SLC14A1: variants seen among roughly 807,000 people sequenced by gnomAD.
SLC14A1 encodes the protein urea transporter 1.
A neutral mutation model predicts 39.6 loss-of-function variants in SLC14A1; 36 were observed. The ratio of observed to expected loss-of-function variants is 0.91; its 90% confidence interval spans 0.70 to 1.20. SLC14A1 has a LOEUF of 1.20. SLC14A1 is among the 50% of genes most tolerant of loss of function. SLC14A1 has a pLI of 0.00. For missense variants in SLC14A1, 469 were observed against 478.7 expected, an observed-to-expected ratio of 0.98 and a Z score of 0.19; for synonymous variants, 164 against 173.6, an observed-to-expected ratio of 0.94 and a Z score of 0.43.
At chr18:45,737,021 A>G (rs891060973) in intron 6 of SLC14A1, among the ~76,000 whole-genome samples, 1 of 152,216 alleles carries the variant, frequency 6.6e-6, no homozygotes, top group African/African-American at 2.4e-5. Flanking sequence ...CCTCCAATCA[A>G]AAAACTGGAT....
intron 6 of SLC14A1, among the ~76,000 whole-genome samples, chr18:45,738,953 G>A (rs1458411688): frequency 6.6e-6 from 1 of 152,188 alleles, no homozygotes; most frequent in East Asian, 1.9e-4. Flanking sequence ...ATGCACCAGG[G>A]AAGGGCTGGT....
chr18:45,727,522 G>C lies in SLC14A1; in HGVS notation c.-22+2509G>C, dbSNP rs1476178344. The C allele has an allele frequency of 5.2e-6, 7 of 1,338,810 alleles. No homozygotes were observed. The East Asian group carries it at 1.8e-4, about 34-fold the overall frequency. The allele number at this position is 1,338,810 out of a possible 1,614,324, so 82.9% of individuals were successfully genotyped here. On this transcript the variant is annotated intron_variant, in intron 2 of 9. Coordinates refer to ENST00000321925, the MANE Select transcript of SLC14A1 (RefSeq NM_015865.7). ...AGCCTGGGAAGTGGGGGTTGGCTGTGAGCTAAGCCAAAGGCACAGGGATCT... is the reference window on the plus strand; with the variant it reads ...AGCCTGGGAAGTGGGGGTTGGCTGTCAGCTAAGCCAAAGGCACAGGGATCT...
chr18:45,731,064 C>T lies in SLC14A1; in HGVS notation c.201C>T (p.Ser67=). 6.2e-7 allele frequency: 1 copy of T among 1,614,142 alleles called. No individual in the cohort carries two copies. The highest frequency in any genetic ancestry group is 8.5e-7 in the Non-Finnish European group (1 of 1,180,028). ...QFIDWILRGI[S]QVVFVNNPVS... ...TTGACTGGATTCTCCGGGGCATATC[C>T]CAAGTGGTGTTCGTCAACAACCCCG... Residue 67 remains serine (S), a synonymous_variant, in exon 4 of 10, where the codon TCC becomes TCT. Coordinates refer to ENST00000321925, the MANE Select transcript of SLC14A1 (RefSeq NM_015865.7).
intron 8 of SLC14A1, among the ~76,000 whole-genome samples, chr18:45,740,030 G>A (rs548774766): frequency 4.5e-4 from 68 of 152,236 alleles, no homozygotes; most frequent in African/African-American, 1.6e-3. Flanking sequence ...CTGTGCTCAC[G>A]GGCTCTCCAG....
intron 2 of SLC14A1, chr18:45,727,120 C>A (rs1291033308): frequency 2.7e-6 from 2 of 739,558 alleles, no homozygotes; most frequent in Non-Finnish European, 4.6e-6. Flanking sequence ...TTAGCGGTCT[C>A]CCATGTGGGG....
chr18:45,750,453 T>A lies in SLC14A1; in HGVS notation c.*502T>A. On this transcript the variant is annotated 3_prime_UTR_variant, in exon 10 of 10. Coordinates refer to ENST00000321925, the MANE Select transcript of SLC14A1 (RefSeq NM_015865.7). ...TTACACATTATAGCCAGAATCTGTATCACAGAGGTGCAAGCTGACAGCAGA... is the reference window on the plus strand; with the variant it reads ...TTACACATTATAGCCAGAATCTGTAACACAGAGGTGCAAGCTGACAGCAGA... 9.5e-7 allele frequency: 1 copy of A among 1,053,788 alleles called. No individual in the cohort carries two copies. Among genetic ancestry groups the A allele is most frequent in the Non-Finnish European group, 1.1e-6 (1 of 872,374 alleles). The allele number at this position is 1,053,788 out of a possible 1,614,324, so 65.3% of individuals were successfully genotyped here. A position where few individuals can be genotyped will look rare whatever the true frequency, so the allele number is the denominator to read the frequency against.
At chr18:45,731,569 T>G (rs2047031268) in intron 4 of SLC14A1, 1 of 343,366 alleles carries the variant, frequency 2.9e-6, no homozygotes, top group Admixed American at 4.0e-5. Context: ...AAAGTTTTAG[T>G]GGCTTAATAA....
chr18:45,748,668 C>T (rs138443423), intron 9 of SLC14A1, among the ~76,000 whole-genome samples: 306 of 152,224 alleles, frequency 2.0e-3, no homozygotes, highest in Middle Eastern at 3.4e-3. Flanking sequence ...AAAAATGAAA[C>T]GTAGGTTGTA....
chr18:45,730,578 G>T, intron 3 of SLC14A1, 107 bp downstream of exon 3: 2 of 1,245,322 alleles, frequency 1.6e-6, no homozygotes, highest in Admixed American at 1.8e-5. Flanking sequence ...ACTTTTTATA[G>T]ATCTCTTTAC....
At chr18:45,727,862 C>G (rs557835651) in intron 2 of SLC14A1, among the ~76,000 whole-genome samples, 16 of 152,180 alleles carry the variant, frequency 1.1e-4, no homozygotes, top group Non-Finnish European at 7.3e-5. Flanking sequence ...TGGCAAAATT[C>G]TAGGCCAACT....
At chr18:45,729,473 T>C (rs907370394) in intron 2 of SLC14A1, 1 of 152,234 alleles carries the variant, frequency 6.6e-6, no homozygotes, top group Non-Finnish European at 1.5e-5. Context: ...GTCATGGTTA[T>C]AGTGTTCATA....
chr18:45,734,795 C>G (rs2047139195), intron 5 of SLC14A1, among the ~76,000 whole-genome samples: 1 of 151,734 alleles, frequency 6.6e-6, no homozygotes, highest in South Asian at 2.1e-4. Flanking sequence ...GCAGGAGGAG[C>G]AGGAGGGCAA....
At chr18:45,740,295 G>C (rs1444574430) in intron 8 of SLC14A1, among the ~76,000 whole-genome samples, 4 of 152,172 alleles carry the variant, frequency 2.6e-5, no homozygotes, top group Non-Finnish European at 5.9e-5. Flanking sequence ...TTACCCCTTT[G>C]AGTGAGCATC....
In SLC14A1 at chr18:45,725,044, G is replaced by A. The variant is rs562103302; in HGVS notation, c.-22+31G>A. The stretch of plus-strand genomic sequence containing the variant: ...TACCAAATAAGTGTCAATGCTGAAA[G>A]TCTCTTTATTATGCTAGACCATGAG... On this transcript the variant is annotated intron_variant, in intron 2 of 9. Coordinates refer to ENST00000321925, the MANE Select transcript of SLC14A1 (RefSeq NM_015865.7). 45 of 152,298 alleles carry A rather than the reference G, an allele frequency of 3.0e-4. 1 individual carries two copies. Among genetic ancestry groups the A allele is most frequent in the Admixed American group, 2.9e-3 (45 of 15,300 alleles). 9.4% of individuals were successfully genotyped at this position (152,298 alleles called of 1,614,324 possible). A position where few individuals can be genotyped will look rare whatever the true frequency, so the allele number is the denominator to read the frequency against.
intron 3 of SLC14A1, 43 bp downstream of exon 3, chr18:45,730,514 T>A: frequency 6.2e-7 from 1 of 1,605,520 alleles, no homozygotes; most frequent in Non-Finnish European, 8.5e-7. Context: ...AGAAGTAGCT[T>A]TGGGGGAAAT....
intron 2 of SLC14A1, among the ~76,000 whole-genome samples, chr18:45,728,618 C>T (rs2046936346): frequency 6.6e-6 from 1 of 152,130 alleles, no homozygotes; most frequent in African/African-American, 2.4e-5. Flanking sequence ...ATGACAGCCA[C>T]CACTTAGATT....
rs770021358 is a variant in SLC14A1 at position 45,731,253 on chromosome 18, G to T, written c.341+49G>T. The T allele has an allele frequency of 6.4e-6, 10 of 1,553,856 alleles. No individual in the cohort carries two copies. In the South Asian group the frequency reaches 1.1e-4, roughly 17 times the overall value. ...CTCAGCTCCCTTCTGAGACACAGGG[G>T]CTGACCAGTTACTGTGGGCAACAGT... On this transcript the variant is annotated intron_variant, in intron 4 of 9. Transcript: ENST00000321925.
chr18:45,732,382 G>T (rs891750374), intron 4 of SLC14A1, among the ~76,000 whole-genome samples: 3 of 152,186 alleles, frequency 2.0e-5, no homozygotes, highest in African/African-American at 7.2e-5. Context: ...CAAGTCAGTT[G>T]TTGAGAGGAC....
In SLC14A1 at chr18:45,746,084, T is replaced by C. The variant is rs1599321427; in HGVS notation, c.947-2292T>C. 5.3e-5 allele frequency among the ~76,000 whole-genome samples: 8 copies of C among 152,376 alleles called. No individual in the cohort carries two copies. The South Asian group carries it at 1.7e-3, about 32-fold the overall frequency. On this transcript the variant is annotated intron_variant, in intron 8 of 9. Transcript: ENST00000321925. ...TGGCCTCTAAGCCAGAGCAACTGCGTGGCCAGAGAACATCTCAATGTTGTT... is the reference window on the plus strand; with the variant it reads ...TGGCCTCTAAGCCAGAGCAACTGCGCGGCCAGAGAACATCTCAATGTTGTT...
Sources: allele counts gnomAD v4.1 joint callset (sites outside exome capture counted in the v4.1 genomes callset), GRCh38; gene constraint gnomAD v4.1.1; transcripts MANE v1.5; gene names NCBI Gene and HGNC (gene_info 2026-07-23, HGNC 2026-07-21).